The following PPARGC1A variants were observed in gnomAD, a reference collection of about 807,000 sequenced individuals.
PPARGC1A encodes the protein PPARG coactivator 1 alpha, also known as peroxisome proliferator-activated receptor gamma coactivator 1-alpha.
In PPARGC1A, 25 loss-of-function variants were observed where a neutral mutation model predicts 88.7. The observed-to-expected ratio is 0.28, with a 90% confidence interval of 0.21 to 0.39. The LOEUF is 0.39. Ranked by LOEUF, PPARGC1A falls within the 10% of genes least tolerant of loss-of-function variation. The pLI is 1.00. For synonymous variants in PPARGC1A, 363 were observed against 355.6 expected, an observed-to-expected ratio of 1.02 and a Z score of -0.24; for missense variants, 880 against 968.7, an observed-to-expected ratio of 0.91 and a Z score of 1.22.
At chr4:24,386,328 G>A in the PPARGC1A span, among the ~76,000 whole-genome samples, 1 of 152,108 alleles carries the variant, frequency 6.6e-6, no homozygotes, top group Non-Finnish European at 1.5e-5. Context: ...TTGAAAACCG[G>A]CACAAGACAA....
the PPARGC1A span, among the ~76,000 whole-genome samples, chr4:24,331,767 T>TTTTA: frequency 6.3e-5 from 9 of 143,616 alleles, no homozygotes; most frequent in African/African-American, 1.8e-4. Flanking sequence ...TGTGTTTATT[T>TTTTA]TATATATATA....
chr4:23,907,767 C>T (rs557741537), upstream of PPARGC1A, among the ~76,000 whole-genome samples: 26 of 152,194 alleles, frequency 1.7e-4, no homozygotes, highest in Admixed American at 2.6e-4. Flanking sequence ...GCTTTCTGTT[C>T]TCCTAACCTT....
chr4:24,174,312 G>C, the PPARGC1A span, among the ~76,000 whole-genome samples: 7 of 152,288 alleles, frequency 4.6e-5, no homozygotes, highest in South Asian at 1.4e-3. Flanking sequence ...AGAATCACCT[G>C]AGACGCTTAT....
the PPARGC1A span, among the ~76,000 whole-genome samples, chr4:24,202,644 T>TAAGAGA: frequency 6.6e-6 from 1 of 152,170 alleles, no homozygotes; most frequent in East Asian, 1.9e-4. Context: ...TCAACTCTCT[T>TAAGAGA]CTTCCTTTGC....
At chr4:24,210,651 G>C in the PPARGC1A span, among the ~76,000 whole-genome samples, 1 of 152,220 alleles carries the variant, frequency 6.6e-6, no homozygotes, top group Admixed American at 6.5e-5. Flanking sequence ...CAAATTGCAA[G>C]GGCATGTGGC....
At chr4:24,014,038 T>A in the PPARGC1A span, among the ~76,000 whole-genome samples, 3 of 152,214 alleles carry the variant, frequency 2.0e-5, no homozygotes, top group Non-Finnish European at 4.4e-5. Flanking sequence ...TGCTGTAGGA[T>A]GATGTATGTA....
the PPARGC1A span, among the ~76,000 whole-genome samples, chr4:24,450,042 A>T: frequency 6.6e-6 from 1 of 152,248 alleles, no homozygotes; most frequent in Non-Finnish European, 1.5e-5. Flanking sequence ...CTTCTCAACA[A>T]AGAAATAAAT....
At chr4:24,182,976 C>G in the PPARGC1A span, among the ~76,000 whole-genome samples, 1 of 152,030 alleles carries the variant, frequency 6.6e-6, no homozygotes, top group Admixed American at 6.6e-5. Context: ...ATCCCAGTGT[C>G]GGGGGAAGAT....
At chr4:23,980,499 G>C in the PPARGC1A span, among the ~76,000 whole-genome samples, 2 of 152,028 alleles carry the variant, frequency 1.3e-5, no homozygotes, top group African/African-American at 4.8e-5. Context: ...CCTAATCTTT[G>C]CAAGCCATGA....
At chr4:24,366,035 T>G in the PPARGC1A span, among the ~76,000 whole-genome samples, 1 of 152,114 alleles carries the variant, frequency 6.6e-6, no homozygotes, top group Non-Finnish European at 1.5e-5. Flanking sequence ...AGCTAAACAT[T>G]CCCTCACTCT....
At chr4:24,140,820 G>T in the PPARGC1A span, among the ~76,000 whole-genome samples, 1 of 152,074 alleles carries the variant, frequency 6.6e-6, no homozygotes, top group African/African-American at 2.4e-5. Context: ...AGAAACAATC[G>T]AGAGACACTT....
chr4:23,942,136 T>A, the PPARGC1A span, among the ~76,000 whole-genome samples: 1 of 152,128 alleles, frequency 6.6e-6, no homozygotes, highest in Non-Finnish European at 1.5e-5. Flanking sequence ...TTTACCTTAA[T>A]GGAATGATTT....
intron 2 of PPARGC1A, among the ~76,000 whole-genome samples, chr4:23,861,320 C>T (rs1423504577): frequency 6.6e-6 from 1 of 152,198 alleles, no homozygotes; most frequent in African/African-American, 2.4e-5. Context: ...AGTCACCAGA[C>T]CCAGCCCAGA....
chr4:23,951,714 A>G, the PPARGC1A span, among the ~76,000 whole-genome samples: 1 of 152,140 alleles, frequency 6.6e-6, no homozygotes, highest in Non-Finnish European at 1.5e-5. Flanking sequence ...TCCCTCTCCT[A>G]AACTCTTCAA....
At chr4:23,931,884 G>A in the PPARGC1A span, among the ~76,000 whole-genome samples, 1 of 152,156 alleles carries the variant, frequency 6.6e-6, no homozygotes, top group Non-Finnish European at 1.5e-5. Context: ...ACTTACCATG[G>A]TGTGACCTCA....
chr4:23,934,081 G>A, the PPARGC1A span, among the ~76,000 whole-genome samples: 27 of 152,182 alleles, frequency 1.8e-4, no homozygotes, highest in African/African-American at 2.4e-5. Flanking sequence ...CAGTCTCAAA[G>A]TTTTAAAGGA....
At chr4:24,026,055 C>G in the PPARGC1A span, among the ~76,000 whole-genome samples, 1 of 152,124 alleles carries the variant, frequency 6.6e-6, no homozygotes, top group Non-Finnish European at 1.5e-5. Context: ...GAAAGAGTTG[C>G]CAACATTTAA....
the PPARGC1A span, among the ~76,000 whole-genome samples, chr4:24,138,936 T>C: frequency 6.6e-6 from 1 of 152,176 alleles, no homozygotes; most frequent in South Asian, 2.1e-4. Flanking sequence ...TCTCCCAGCA[T>C]GTCCTTTAAC....
Position 23,795,449 on chromosome 4 carries a change from C to A in PPARGC1A, c.*373G>T, listed in dbSNP as rs1400142116. ...ATTCTGGTCAGGTGCCCCCAGTCCTCACATGTACCCACACATACTTCCCCT... is the reference window on the plus strand; with the variant it reads ...ATTCTGGTCAGGTGCCCCCAGTCCTAACATGTACCCACACATACTTCCCCT... On this transcript the variant is annotated 3_prime_UTR_variant, in exon 13 of 13. Transcript: ENST00000264867. 6.0e-6 allele frequency: 1 copy of A among 166,204 alleles called. No individual in the cohort carries two copies. The highest frequency in any genetic ancestry group is 1.3e-5 in the Non-Finnish European group (1 of 78,140). The allele number at this position is 166,204 out of a possible 1,614,324, so 10.3% of individuals were successfully genotyped here. A position where few individuals can be genotyped will look rare whatever the true frequency, so the allele number is the denominator to read the frequency against.
Sources: allele counts gnomAD v4.1 joint callset (sites outside exome capture counted in the v4.1 genomes callset), GRCh38; gene constraint gnomAD v4.1.1; transcripts MANE v1.5; gene names NCBI Gene and HGNC (gene_info 2026-07-23, HGNC 2026-07-21).